SPAG17: variants seen among roughly 807,000 people sequenced by gnomAD.
The protein encoded by SPAG17 is sperm-associated antigen 17.
In SPAG17, 169 loss-of-function variants were observed where a neutral mutation model predicts 273.6. The observed-to-expected ratio is 0.62, with a 90% confidence interval of 0.55 to 0.70. The LOEUF is 0.70. Ranked by LOEUF, SPAG17 falls within the 30% of genes least tolerant of loss-of-function variation. SPAG17 has a pLI of 0.00. For synonymous variants in SPAG17, 825 were observed against 873.2 expected, an observed-to-expected ratio of 0.94 and a Z score of 0.97; for missense variants, 2,557 against 2,627.8, an observed-to-expected ratio of 0.97 and a Z score of 0.59.
At chr1:117,977,840 G>A (rs951850000) in intron 43 of SPAG17, among the ~76,000 whole-genome samples, 5 of 152,124 alleles carry the variant, frequency 3.3e-5, no homozygotes, top group African/African-American at 7.2e-5. Flanking sequence ...GACCACTCTC[G>A]ATCATTCCTT....
In SPAG17 at chr1:118,054,527, A is replaced by G. The variant is rs761166836; in HGVS notation, c.2723-434T>C. Among the ~76,000 whole-genome samples the G allele has an allele frequency of 6.6e-5, 10 of 152,188 alleles. No homozygotes were observed. The South Asian group carries it at 1.5e-3, about 22-fold the overall frequency. The stretch of plus-strand genomic sequence containing the variant: ...CTTGAGAGACCTGAAATTGAATGCA[A>G]TATCTATCAGGTGCATCCAATCCCA... On this transcript the variant is annotated intron_variant, in intron 19 of 48. Transcript: ENST00000336338.
chr1:117,995,867 C>T (rs935600910), intron 34 of SPAG17, among the ~76,000 whole-genome samples: 1 of 151,958 alleles, frequency 6.6e-6, no homozygotes, highest in African/African-American at 2.4e-5. Flanking sequence ...CTGGCAAACA[C>T]CAATTTCTTT....
At chr1:118,100,959 C>T (rs907888201) in intron 5 of SPAG17, among the ~76,000 whole-genome samples, 36 of 152,206 alleles carry the variant, frequency 2.4e-4, no homozygotes, top group Non-Finnish European at 1.5e-5. Flanking sequence ...CTGTGTTTCA[C>T]TCATGACCAT....
At chr1:118,002,616 G>A (rs993819281) in intron 32 of SPAG17, among the ~76,000 whole-genome samples, 5 of 152,076 alleles carry the variant, frequency 3.3e-5, no homozygotes, top group African/African-American at 1.2e-4. Flanking sequence ...TTGGTTTAAA[G>A]TCTGTTTTAT....
At chr1:118,156,488 G>C (rs1002059884) in intron 1 of SPAG17, among the ~76,000 whole-genome samples, 1 of 152,174 alleles carries the variant, frequency 6.6e-6, no homozygotes, top group South Asian at 2.1e-4. Context: ...CACTATATCT[G>C]ATCTAACATG....
intron 3 of SPAG17, among the ~76,000 whole-genome samples, chr1:118,119,113 A>ATGTG (rs1410042118): frequency 1.3e-5 from 2 of 152,134 alleles, no homozygotes; most frequent in Non-Finnish European, 2.9e-5. Flanking sequence ...GCATGCATGT[A>ATGTG]TGTGTGTGTG....
chr1:118,085,832 A>C, intron 13 of SPAG17, 90 bp downstream of exon 13: 1 of 1,310,166 alleles, frequency 7.6e-7, no homozygotes, highest in Non-Finnish European at 1.0e-6. Flanking sequence ...AATAATGAAA[A>C]TACTTTTTGT....
At position 118,185,050 on chromosome 1, in the gene SPAG17, C is replaced by T. The variant is rs199574882; in HGVS notation, c.87+21G>A. On this transcript the variant is annotated intron_variant, in intron 1 of 48. Transcript: ENST00000336338. Reference sequence around the variant, plus strand: ...CTGGCATTGCCGGGGGCAGGGAGGGCTTAAAGGGCTCAAGGCTCACCTGAT... The same window carrying T: ...CTGGCATTGCCGGGGGCAGGGAGGGTTTAAAGGGCTCAAGGCTCACCTGAT... 4.2e-5 allele frequency: 67 copies of T among 1,611,278 alleles called. 1 individual carries two copies. The East Asian group carries it at 1.5e-3, about 35-fold the overall frequency.
chr1:117,958,834 C>G, intron 48 of SPAG17: 4 of 774,706 alleles, frequency 5.2e-6, no homozygotes, highest in African/African-American at 1.9e-5. Flanking sequence ...GATATTGTGT[C>G]TGTTTACTGT....
intron 3 of SPAG17, among the ~76,000 whole-genome samples, chr1:118,135,459 A>G: frequency 6.6e-6 from 1 of 150,684 alleles, no homozygotes; most frequent in African/African-American, 2.4e-5. Context: ...TTATGGAGCA[A>G]AGCACATCTG....
chr1:118,025,642 C>T (rs1388128118), intron 26 of SPAG17, among the ~76,000 whole-genome samples: 2 of 152,054 alleles, frequency 1.3e-5, no homozygotes, highest in African/African-American at 4.8e-5. Context: ...AGGCTTGCAC[C>T]ACAACACCCT....
chr1:118,047,809 C>T (rs1439085736), intron 20 of SPAG17, among the ~76,000 whole-genome samples: 2 of 151,970 alleles, frequency 1.3e-5, no homozygotes, highest in Admixed American at 6.6e-5. Flanking sequence ...ATCCATAGAC[C>T]CAGCCTCCAG....
At chr1:118,097,524 A>G (rs935788735) in intron 7 of SPAG17, 146 bp downstream of exon 7, 1 of 491,680 alleles carries the variant, frequency 2.0e-6, no homozygotes, top group Non-Finnish European at 3.4e-6. Context: ...AGCATTCCAT[A>G]TTATCATTAT....
intron 25 of SPAG17, 100 bp downstream of exon 25, chr1:118,031,592 G>A (rs915478918): frequency 3.0e-5 from 36 of 1,198,316 alleles, no homozygotes; most frequent in Non-Finnish European, 3.6e-5. Context: ...ACAATAAAAC[G>A]TATGCACTAT....
chr1:118,008,171 T>A lies in SPAG17; in HGVS notation c.4460A>T (p.Gln1487Leu), dbSNP rs1462394328. ...TTEGPRTVTR[Q>L]VKCMRVESSR... The stretch of plus-strand genomic sequence containing the variant: ...GCTTTCTACCCGCATACACTTCACC[T>A]GCCTGGTGACAGTCCGAGGACCCTC... The change falls in exon 31 of 49, where the codon CAG (glutamine) becomes CTG (leucine). Residue 1487 changes from glutamine to leucine, a missense_variant. Coordinates refer to ENST00000336338, the MANE Select transcript of SPAG17 (RefSeq NM_206996.4). The A allele has an allele frequency of 2.5e-6, 4 of 1,613,982 alleles. No individual in the cohort carries two copies. Among genetic ancestry groups the A allele is most frequent in the Middle Eastern group, 1.7e-4 (1 of 6,048 alleles).
intron 20 of SPAG17, among the ~76,000 whole-genome samples, chr1:118,044,750 G>T (rs989531467): frequency 4.6e-5 from 7 of 152,052 alleles, no homozygotes; most frequent in Non-Finnish European, 1.5e-5. Flanking sequence ...AGGAGATCTG[G>T]TTGTTTAAAA....
chr1:118,004,625 T>C (rs1002808182), intron 32 of SPAG17, among the ~76,000 whole-genome samples: 7 of 152,348 alleles, frequency 4.6e-5, no homozygotes, highest in South Asian at 2.1e-4. Flanking sequence ...AAGCCAGGCA[T>C]GGGAGAGAAT....
At chr1:118,018,069 G>C (rs2101813240) in intron 28 of SPAG17, among the ~76,000 whole-genome samples, 1 of 152,330 alleles carries the variant, frequency 6.6e-6, no homozygotes, top group South Asian at 2.1e-4. Context: ...AGTAAATGTA[G>C]GAAGCCAAAG....
rs370369450 is a variant in SPAG17 at position 118,008,141 on chromosome 1, C to T, written c.4490G>A (p.Arg1497His). The T allele has an allele frequency of 9.9e-6, 16 of 1,614,032 alleles. No individual in the cohort carries two copies. The highest frequency in any genetic ancestry group is 5.0e-5 in the Admixed American group (3 of 59,988). Residue 1497 changes from arginine to histidine, a missense_variant, in exon 31 of 49, where the codon CGC becomes CAC. Coordinates refer to ENST00000336338, the MANE Select transcript of SPAG17 (RefSeq NM_206996.4). ...ACAGTTGGCGATAACAGTGGCATAGCGTGAGCTTTCTACCCGCATACACTT... is the reference window on the plus strand; with the variant it reads ...ACAGTTGGCGATAACAGTGGCATAGTGTGAGCTTTCTACCCGCATACACTT... ...QVKCMRVESS[R>H]YATVIANCED...
Sources: gnomAD v4.1 joint callset for allele counts (sites outside exome capture counted in the v4.1 genomes callset) on GRCh38, gnomAD v4.1.1 for gene constraint, MANE v1.5 for transcripts, NCBI Gene and HGNC (gene_info 2026-07-23, HGNC 2026-07-21) for gene names.